PARL: variants seen among roughly 807,000 people sequenced by gnomAD.
The protein encoded by PARL is presenilin associated rhomboid like.
A neutral mutation model predicts 51.6 loss-of-function variants in PARL; 44 were observed. That is an observed-to-expected ratio of 0.85 (90% CI 0.67 to 1.10). PARL has a LOEUF of 1.10. Ranked by LOEUF, PARL falls within the 50% of genes least tolerant of loss-of-function variation. The pLI is 0.00. For missense variants in PARL, 441 were observed against 469.5 expected, an observed-to-expected ratio of 0.94 and a Z score of 0.56; for synonymous variants, 172 against 164.0, an observed-to-expected ratio of 1.05 and a Z score of -0.37.
At chr3:183,859,220 G>A (rs370067430) in intron 4 of PARL, among the ~76,000 whole-genome samples, 5 of 152,008 alleles carry the variant, frequency 3.3e-5, no homozygotes, top group African/African-American at 9.7e-5. Context: ...GAGCTTGCCC[G>A]TGAGCAGAGA....
chr3:183,882,282 TACAC>T (rs1222330580), intron 1 of PARL, among the ~76,000 whole-genome samples: 2 of 89,700 alleles, frequency 2.2e-5, no homozygotes, highest in East Asian at 3.0e-4. Flanking sequence ...TATATATATA[TACAC>T]ACACACATAT....
intron 1 of PARL, among the ~76,000 whole-genome samples, chr3:183,872,720 A>G (rs1381248861): frequency 6.6e-6 from 1 of 152,340 alleles, no homozygotes. Context: ...ACAGGATTAC[A>G]GCCAAATGAA....
chr3:183,828,053 C>T (rs1339074910), downstream of PARL, among the ~76,000 whole-genome samples: 1 of 152,234 alleles, frequency 6.6e-6, no homozygotes, highest in Non-Finnish European at 1.5e-5. Flanking sequence ...GAAAGTGAAG[C>T]ACCCTCGTGG....
chr3:183,881,616 G>A (rs756028541), intron 1 of PARL, among the ~76,000 whole-genome samples: 5 of 152,170 alleles, frequency 3.3e-5, no homozygotes, highest in Non-Finnish European at 7.4e-5. Context: ...TAGAGCCCGA[G>A]GCATGGTAGT....
In PARL at chr3:183,829,600, A is replaced by C. The variant is rs1727679372; in HGVS notation, c.1138T>G (p.Ter380GluextTer15). 1 of 1,614,150 alleles carries C rather than the reference A, an allele frequency of 6.2e-7. No individual in the cohort carries two copies. The highest frequency in any genetic ancestry group is 2.2e-5 in the East Asian group (1 of 44,882). ...NGPKKGGGSK[*>E] ...ACCACTACTGTCCAATCCCAGTTTTACTTAGAGCCACCTCCTTTTTTGGGG... is the reference window on the plus strand; with the variant it reads ...ACCACTACTGTCCAATCCCAGTTTTCCTTAGAGCCACCTCCTTTTTTGGGG... Residue 380 changes from the stop codon to glutamate (E), a stop_lost, in exon 10 of 10, where the codon TAA (stop) becomes GAA (glutamate). Coordinates refer to ENST00000317096, the MANE Select transcript of PARL (RefSeq NM_018622.7).
At chr3:183,837,651 G>A (rs1401403697) in intron 7 of PARL, among the ~76,000 whole-genome samples, 1 of 152,182 alleles carries the variant, frequency 6.6e-6, no homozygotes, top group Non-Finnish European at 1.5e-5. Context: ...ACACCCAGCA[G>A]TAACGAGTCA....
chr3:183,870,708 C>G (rs953080894), intron 1 of PARL, among the ~76,000 whole-genome samples: 3 of 152,158 alleles, frequency 2.0e-5, no homozygotes, highest in African/African-American at 4.8e-5. Flanking sequence ...CCATCAAACT[C>G]AGCACACATC....
intron 1 of PARL, among the ~76,000 whole-genome samples, chr3:183,878,539 C>T (rs769282735): frequency 1.2e-4 from 18 of 152,236 alleles, no homozygotes; most frequent in Middle Eastern, 6.8e-3. Flanking sequence ...CTTAAAAGTC[C>T]TACACCATGG....
At chr3:183,854,414 AAAGG>A (rs1577333428) in intron 4 of PARL, among the ~76,000 whole-genome samples, 1 of 152,224 alleles carries the variant, frequency 6.6e-6, no homozygotes, top group East Asian at 1.9e-4. Flanking sequence ...TAGCCTTAAA[AAAGG>A]AAGTAAATAC....
chr3:183,883,779 C>T (rs1413560155), intron 1 of PARL: 1 of 693,772 alleles, frequency 1.4e-6, no homozygotes, highest in Non-Finnish European at 1.8e-6. Flanking sequence ...GGTTCTTCCA[C>T]TCCACCCACC....
chr3:183,855,218 G>A (rs531275990), intron 4 of PARL, among the ~76,000 whole-genome samples: 1 of 152,252 alleles, frequency 6.6e-6, no homozygotes, highest in East Asian at 1.9e-4. Flanking sequence ...AAAAGGCCCT[G>A]GGATTAGATG....
At chr3:183,877,559 G>A (rs926498370) in intron 1 of PARL, among the ~76,000 whole-genome samples, 9 of 152,030 alleles carry the variant, frequency 5.9e-5, no homozygotes, top group African/African-American at 9.7e-5. Context: ...GTCAATCAAC[G>A]TGGCGAACTT....
chr3:183,844,229 A>C lies in PARL; in HGVS notation c.607+2T>G, dbSNP rs1437204138. ...AAATAAATTCACACAAGTTAGACTT[A>C]CTTGAGGCTGGATTCGATGTGAAAT... On this transcript the variant is annotated splice_donor_variant, in intron 5 of 9. Coordinates refer to ENST00000317096, the MANE Select transcript of PARL (RefSeq NM_018622.7). LOFTEE classifies it high-confidence loss of function. The C allele has an allele frequency of 1.9e-6, 3 of 1,558,560 alleles. No individual in the cohort carries two copies. Among genetic ancestry groups the C allele is most frequent in the Non-Finnish European group, 1.8e-6 (2 of 1,130,640 alleles).
chr3:183,847,062 G>A (rs1030337470), intron 4 of PARL, among the ~76,000 whole-genome samples: 1 of 152,216 alleles, frequency 6.6e-6, no homozygotes, highest in East Asian at 1.9e-4. Context: ...AACAGCATAT[G>A]CTGGTCCCCA....
intron 8 of PARL, 44 bp from the exon 9 acceptor site, chr3:183,833,633 A>G: frequency 1.3e-6 from 2 of 1,503,604 alleles, no homozygotes; most frequent in Non-Finnish European, 1.9e-6. Flanking sequence ...TGATTGCTCC[A>G]GCACTGACAT....
chr3:183,843,417 AG>A (rs1433659191), intron 5 of PARL: 1 of 298,250 alleles, frequency 3.4e-6, no homozygotes, highest in Non-Finnish European at 4.9e-6. Context: ...CTGGGGGCTG[AG>A]GTGGGAGGAT....
chr3:183,841,919 C>T (rs188379100), intron 6 of PARL, among the ~76,000 whole-genome samples: 25 of 152,244 alleles, frequency 1.6e-4, no homozygotes, highest in African/African-American at 5.5e-4. Context: ...AACAAAGACC[C>T]AGGAGATTGA....
chr3:183,830,272 G>A, intron 9 of PARL, among the ~76,000 whole-genome samples: 1 of 152,242 alleles, frequency 6.6e-6, no homozygotes, highest in Non-Finnish European at 1.5e-5. Flanking sequence ...GCGGCCTGAA[G>A]CAACGAGCCT....
At chr3:183,838,090 T>C (rs1037273164) in intron 7 of PARL, among the ~76,000 whole-genome samples, 24 of 151,516 alleles carry the variant, frequency 1.6e-4, no homozygotes, top group African/African-American at 5.8e-4. Flanking sequence ...GGCATGCTCA[T>C]GGCTCACAGC....
Sources: allele counts gnomAD v4.1 joint callset (sites outside exome capture counted in the v4.1 genomes callset), GRCh38; gene constraint gnomAD v4.1.1; transcripts MANE v1.5; gene names NCBI Gene and HGNC (gene_info 2026-07-23, HGNC 2026-07-21).